Variants in FXN observed in about 807,000 individuals in gnomAD.
FXN encodes frataxin, also known as frataxin, mitochondrial.
FXN carries 14 observed loss-of-function variants against 22.4 expected under a neutral mutation model. The ratio of observed to expected loss-of-function variants is 0.62; its 90% CI spans 0.41 to 0.98. FXN has a LOEUF of 0.98. Among genes scored for constraint, FXN ranks in the 50% least tolerant of loss-of-function variants. FXN has a pLI of 0.00. For synonymous variants in FXN, 120 were observed against 114.1 expected (o/e 1.05, Z -0.33); for missense variants, 267 against 268.4 (o/e 0.99, Z 0.04).
At chr9:69,038,949 A>C (rs1831608894) in intron 1 of FXN, among the ~76,000 whole-genome samples, 2 of 152,146 alleles carry the variant, frequency 1.3e-5, no homozygotes, top group South Asian at 4.1e-4. Flanking sequence ...AAGTTGTTCC[A>C]AACACACTTA....
chr9:69,054,882 A>G (rs1040151651), intron 3 of FXN, among the ~76,000 whole-genome samples: 1 of 152,216 alleles, frequency 6.6e-6, no homozygotes. Context: ...TTTGGATTCA[A>G]TCATGGAATT....
chr9:69,043,934 G>T (rs1263736838), intron 1 of FXN, among the ~76,000 whole-genome samples: 2 of 151,870 alleles, frequency 1.3e-5, no homozygotes, highest in Non-Finnish European at 2.9e-5. Flanking sequence ...TGTTGCCCAG[G>T]TTGGTCTCAA....
intron 3 of FXN, among the ~76,000 whole-genome samples, chr9:69,058,529 C>G (rs1351983834): frequency 6.6e-6 from 1 of 151,364 alleles, no homozygotes; most frequent in Non-Finnish European, 1.5e-5. Context: ...TTTTTTGGAT[C>G]AGGACCTCCC....
At chr9:69,046,295 C>G in intron 1 of FXN, 90 bp from the exon 2 acceptor site, 3 of 933,466 alleles carry the variant, frequency 3.2e-6, no homozygotes, top group Non-Finnish European at 5.2e-6. Flanking sequence ...TACAGGCACT[C>G]GAATGTAGAA....
At chr9:69,036,072 G>C in intron 1 of FXN, 125 bp downstream of exon 1, 2 of 857,572 alleles carry the variant, frequency 2.3e-6, no homozygotes, top group Non-Finnish European at 3.0e-6. Context: ...AGCTCACCCC[G>C]CTCCTTCTCA....
In FXN at chr9:69,074,799, A is replaced by AT. The variant is rs1279900598; in HGVS notation, c.*2043dup. On this transcript the variant is annotated 3_prime_UTR_variant, in exon 5 of 5. Coordinates refer to ENST00000484259, the MANE Select transcript of FXN (RefSeq NM_000144.5). ...TAAACAAAAGCTAAATAGGTAAAAT[A>AT]TTTTTTCTGAAATAAAATTATTTTT... 2.1e-6 allele frequency: 2 copies of AT among 945,240 alleles called. No homozygotes were observed. Among genetic ancestry groups the AT allele is most frequent in the Non-Finnish European group, 2.5e-6 (2 of 793,418 alleles). 58.6% of individuals were successfully genotyped at this position (945,240 alleles called of 1,614,324 possible).
Position 69,077,995 on chromosome 9 carries a change from G to A in FXN, c.*5233G>A, listed in dbSNP as rs1408426551. On this transcript the variant is annotated 3_prime_UTR_variant, in exon 5 of 5. Coordinates refer to ENST00000484259, the MANE Select transcript of FXN (RefSeq NM_000144.5). ...GTGGCTAAATTATATAGAAAAATAA[G>A]ACAATATCATTTCCCAATTACATTC... 2.0e-6 allele frequency: 2 copies of A among 985,114 alleles called. No individual in the cohort carries two copies. Among genetic ancestry groups the A allele is most frequent in the Non-Finnish European group, 2.4e-6 (2 of 829,808 alleles). The allele number at this position is 985,114 out of a possible 1,614,324, so 61.0% of individuals were successfully genotyped here. A position where few individuals can be genotyped will look rare whatever the true frequency, so the allele number is the denominator to read the frequency against.
chr9:69,049,707 A>T (rs1385726648), intron 2 of FXN, among the ~76,000 whole-genome samples: 1 of 152,186 alleles, frequency 6.6e-6, no homozygotes, highest in Non-Finnish European at 1.5e-5. Flanking sequence ...GGTTTTTAGT[A>T]TATTCACAAG....
intron 1 of FXN, among the ~76,000 whole-genome samples, chr9:69,040,980 TAAGA>T (rs1205252749): frequency 1.3e-5 from 2 of 152,208 alleles, no homozygotes; most frequent in Non-Finnish European, 2.9e-5. Context: ...TCCAGGACTC[TAAGA>T]AACACATTTC....
intron 4 of FXN, among the ~76,000 whole-genome samples, chr9:69,069,781 A>G (rs1376973834): frequency 6.6e-6 from 1 of 152,230 alleles, no homozygotes; most frequent in Non-Finnish European, 1.5e-5. Context: ...GCGGGAGTCC[A>G]CGGAGGAGGA....
Position 69,078,120 on chromosome 9 carries a change from C to G in FXN, c.*5358C>G. On this transcript the variant is annotated 3_prime_UTR_variant, in exon 5 of 5. Coordinates refer to ENST00000484259, the MANE Select transcript of FXN (RefSeq NM_000144.5). Reference sequence around the variant, plus strand: ...AGAAAAACTTTAAATCCCTCCAAAGCTCAAAAGTAATAGAAACAGATGAGT... The same window carrying G: ...AGAAAAACTTTAAATCCCTCCAAAGGTCAAAAGTAATAGAAACAGATGAGT... 1.0e-6 allele frequency: 1 copy of G among 985,400 alleles called. No individual in the cohort carries two copies. Among genetic ancestry groups the G allele is most frequent in the Non-Finnish European group, 1.2e-6 (1 of 829,924 alleles). The allele number at this position is 985,400 out of a possible 1,614,324, so 61.0% of individuals were successfully genotyped here.
Position 69,076,595 on chromosome 9 carries a change from A to C in FXN, c.*3833A>C, listed in dbSNP as rs958904996. On this transcript the variant is annotated 3_prime_UTR_variant, in exon 5 of 5. Coordinates refer to ENST00000484259, the MANE Select transcript of FXN (RefSeq NM_000144.5). ...GGTTTACAATATGCTTTATCCAGCT[A>C]TACCTGCCCCAAATTCTGACAGATG... 2 of 985,300 alleles carry C rather than the reference A, an allele frequency of 2.0e-6. No homozygotes were observed. Among genetic ancestry groups the C allele is most frequent in the Non-Finnish European group, 2.4e-6 (2 of 829,926 alleles). 61.0% of individuals were successfully genotyped at this position (985,300 alleles called of 1,614,324 possible).
chr9:69,053,507 G>GGATGGATGGATGGATA (rs1191286626), intron 3 of FXN, among the ~76,000 whole-genome samples: 8 of 150,774 alleles, frequency 5.3e-5, no homozygotes, highest in African/African-American at 2.0e-4. Flanking sequence ...ATGGATGGAT[G>GGATGGATGGATGGATA]GATAGATAGA....
intron 3 of FXN, among the ~76,000 whole-genome samples, chr9:69,058,600 TA>T (rs11394940): frequency 1.5e-3 from 218 of 143,124 alleles, no homozygotes; most frequent in Non-Finnish European, 1.8e-3. Flanking sequence ...ACTCACCTGT[TA>T]AAAAAAAAAA....
rs1488140939 is a variant in FXN, at chr9:69,076,386, T to C, written c.*3624T>C. On this transcript the variant is annotated 3_prime_UTR_variant, in exon 5 of 5. Transcript: ENST00000484259. ...TGGAGGACTTCTCCCAAAATATGGA[T>C]GACGTTCCCTACTCAACCTTGAACT... 1 of 985,256 alleles carries C rather than the reference T, an allele frequency of 1.0e-6. No homozygotes were observed. 61.0% of individuals were successfully genotyped at this position (985,256 alleles called of 1,614,324 possible).
intron 3 of FXN, among the ~76,000 whole-genome samples, chr9:69,057,419 C>T (rs1831979918): frequency 6.6e-6 from 1 of 152,144 alleles, no homozygotes; most frequent in Non-Finnish European, 1.5e-5. Flanking sequence ...GATTCTGTAA[C>T]CCATTCTTTC....
Position 69,074,656 on chromosome 9 carries a change from A to C in FXN, c.*1894A>C, listed in dbSNP as rs1362716826. 1 of 982,712 alleles carries C rather than the reference A, an allele frequency of 1.0e-6. No individual in the cohort carries two copies. The highest frequency in any genetic ancestry group is 1.7e-5 in the African/African-American group (1 of 57,268). 60.9% of individuals were successfully genotyped at this position (982,712 alleles called of 1,614,324 possible). A position where few individuals can be genotyped will look rare whatever the true frequency, so the allele number is the denominator to read the frequency against. On this transcript the variant is annotated 3_prime_UTR_variant, in exon 5 of 5. Transcript: ENST00000484259. ...GGCATATACCTATAGTCCCAGCTGC[A>C]CAGGAGGCTGAGACAGGAGGATTGC...
In FXN at chr9:69,072,821, T is replaced by G; in HGVS notation, c.*59T>G. 1 of 1,611,030 alleles carries G rather than the reference T, an allele frequency of 6.2e-7. No individual in the cohort carries two copies. Among genetic ancestry groups the G allele is most frequent in the Non-Finnish European group, 8.5e-7 (1 of 1,179,596 alleles). On this transcript the variant is annotated 3_prime_UTR_variant, in exon 5 of 5. Coordinates refer to ENST00000484259, the MANE Select transcript of FXN (RefSeq NM_000144.5). ...TCAGGCCAAGACCCCAGCTTCATTA[T>G]GCAGCTGAGGTCTGTTTTTTGTTGT...
intron 4 of FXN, among the ~76,000 whole-genome samples, chr9:69,066,886 G>A (rs1028296750): frequency 1.3e-5 from 2 of 149,272 alleles, no homozygotes; most frequent in Non-Finnish European, 3.0e-5. Context: ...ATATATATAT[G>A]GGGGACGGGG....
Sources: allele counts gnomAD v4.1 joint callset (sites outside exome capture counted in the v4.1 genomes callset), GRCh38; gene constraint gnomAD v4.1.1; transcripts MANE v1.5; gene names NCBI Gene and HGNC (gene_info 2026-07-23, HGNC 2026-07-21).